The following XXYLT1 variants were observed in gnomAD, a reference collection of about 807,000 sequenced individuals.
XXYLT1 encodes UDP-xylose:alpha-xyloside alpha-1,3-xylosyltransferase.
XXYLT1 carries 20 observed loss-of-function variants against 28.9 expected under a neutral mutation model. The ratio of observed to expected loss-of-function variants is 0.69; its 90% CI spans 0.49 to 1.00. The LOEUF (loss-of-function observed/expected upper bound fraction) is 1.00, where lower values mean the gene tolerates loss of function less well. XXYLT1 is among the 50% of genes least tolerant of loss of function. XXYLT1 has a pLI of 0.00. For missense variants in XXYLT1, 542 were observed against 560.1 expected (o/e 0.97, Z 0.33); for synonymous variants, 257 against 253.8 (o/e 1.01, Z -0.12).
intron 2 of XXYLT1, among the ~76,000 whole-genome samples, chr3:195,200,192 C>T (rs1209552059): frequency 1.3e-5 from 2 of 152,124 alleles, no homozygotes; most frequent in Non-Finnish European, 2.9e-5. Flanking sequence ...TGAAGCAGCG[C>T]GGTTCCAGAT....
chr3:195,148,445 ATT>A (rs34143584), intron 3 of XXYLT1, among the ~76,000 whole-genome samples: 3 of 149,246 alleles, frequency 2.0e-5, no homozygotes, highest in African/African-American at 4.9e-5. Flanking sequence ...ATCTTGGTTA[ATT>A]TTTTTTTTTT....
At chr3:195,227,888 C>T (rs747512628) in intron 1 of XXYLT1, among the ~76,000 whole-genome samples, 6 of 152,232 alleles carry the variant, frequency 3.9e-5, no homozygotes, top group Non-Finnish European at 8.8e-5. Flanking sequence ...TCTAACTCTA[C>T]TCCAGAAGAT....
At position 195,180,051 on chromosome 3, in the gene XXYLT1, C is replaced by T. The variant is rs1721873145; in HGVS notation, c.653-23470G>A. Among the ~76,000 whole-genome samples the T allele has an allele frequency of 2.6e-5, 4 of 152,144 alleles. No individual in the cohort carries two copies. On this transcript the variant is annotated intron_variant, in intron 2 of 3. Transcript: ENST00000310380. The surrounding 1 kb of genome is among the most constrained non-coding windows in gnomAD (Gnocchi z 5.8). ...GCCAGGGTGCGGCTGAGTGACGGAG[C>T]GCCTGGTGAGGGACAGAAGAATCTC...
At chr3:195,096,496 GACAA>G (rs1455925585) in intron 3 of XXYLT1, among the ~76,000 whole-genome samples, 5 of 152,248 alleles carry the variant, frequency 3.3e-5, no homozygotes, top group East Asian at 1.9e-4. Flanking sequence ...CGCACATGCT[GACAA>G]ACACACACGA....
At chr3:195,249,750 C>T (rs1725179364) in intron 1 of XXYLT1, among the ~76,000 whole-genome samples, 1 of 152,228 alleles carries the variant, frequency 6.6e-6, no homozygotes, top group Admixed American at 6.5e-5. Context: ...TCACTACAAA[C>T]CCAAGCGCTG....
At chr3:195,099,222 GAAAT>G (rs1716627487) in intron 3 of XXYLT1, among the ~76,000 whole-genome samples, 1 of 152,132 alleles carries the variant, frequency 6.6e-6, no homozygotes, top group African/African-American at 2.4e-5. Context: ...TAAACTCTAA[GAAAT>G]AAATAAACGT....
In XXYLT1 at chr3:195,257,229, A is replaced by C. The variant is rs761255340; in HGVS notation, c.504+13326T>G. 7.2e-5 allele frequency among the ~76,000 whole-genome samples: 11 copies of C among 151,984 alleles called. No homozygotes were observed. The highest frequency in any genetic ancestry group is 1.6e-4 in the Non-Finnish European group (11 of 67,984). On this transcript the variant is annotated intron_variant, in intron 1 of 3. Coordinates refer to ENST00000310380, the MANE Select transcript of XXYLT1 (RefSeq NM_152531.5). This position sits in a 1 kb window ranked among gnomAD's most constrained non-coding sequence, Gnocchi z 4.3. ...CCTTCCATGGCTGCACTCACACCCC[A>C]CTGCCCACCGTGTTGGCATCCAGCT...
At chr3:195,269,613 G>A (rs779905206) in intron 1 of XXYLT1, among the ~76,000 whole-genome samples, 13 of 152,158 alleles carry the variant, frequency 8.5e-5, no homozygotes, top group Non-Finnish European at 1.6e-4. Flanking sequence ...AGAGACTCCC[G>A]AAGCCTGTAG....
chr3:195,155,269 C>T (rs893108155), intron 3 of XXYLT1, among the ~76,000 whole-genome samples: 1 of 152,230 alleles, frequency 6.6e-6, no homozygotes, highest in Non-Finnish European at 1.5e-5. Flanking sequence ...CACTAGTTGC[C>T]TGTACTCTGC....
intron 2 of XXYLT1, among the ~76,000 whole-genome samples, chr3:195,219,951 T>C (rs1320355801): frequency 6.6e-6 from 1 of 152,190 alleles, no homozygotes; most frequent in African/African-American, 2.4e-5. Flanking sequence ...TGAGGGATTT[T>C]ATAACAGCTT....
intron 3 of XXYLT1, among the ~76,000 whole-genome samples, chr3:195,096,395 C>T (rs907358313): frequency 3.3e-5 from 5 of 152,196 alleles, no homozygotes; most frequent in Non-Finnish European, 7.3e-5. Flanking sequence ...GTTCCCAGTG[C>T]GTCCCCAACA....
At chr3:195,125,060 C>A (rs1052771563) in intron 3 of XXYLT1, among the ~76,000 whole-genome samples, 3 of 152,074 alleles carry the variant, frequency 2.0e-5, no homozygotes, top group Admixed American at 2.0e-4. Context: ...AAATGAAAGG[C>A]TTGATCCCCG....
Position 195,270,615 on chromosome 3 carries a change from G to A in XXYLT1, c.444C>T (p.Arg148=). Reference sequence around the variant, plus strand: ...CCCGCAGCAGGCCCTTGGCCACCTCGCGGCTGGCCTCCTCGCTCACGAAGT... The same window carrying A: ...CCCGCAGCAGGCCCTTGGCCACCTCACGGCTGGCCTCCTCGCTCACGAAGT... ...NLHFVSEEAS[R]EVAKGLLREL... Residue 148 remains arginine (R), a synonymous_variant, in exon 1 of 4, where the codon CGC becomes CGT. Transcript: ENST00000310380. The A allele has an allele frequency of 1.3e-6, 2 of 1,494,922 alleles. No homozygotes were observed. Among genetic ancestry groups the A allele is most frequent in the Non-Finnish European group, 1.8e-6 (2 of 1,123,248 alleles). 92.6% of individuals were successfully genotyped at this position (1,494,922 alleles called of 1,614,324 possible).
intron 2 of XXYLT1, among the ~76,000 whole-genome samples, chr3:195,213,298 C>T (rs1476119257): frequency 6.9e-6 from 1 of 145,196 alleles, no homozygotes; most frequent in African/African-American, 2.6e-5. Flanking sequence ...GAGCTTCGCT[C>T]TTGTTGCCCA....
intron 3 of XXYLT1, among the ~76,000 whole-genome samples, chr3:195,149,544 C>T (rs1457479844): frequency 6.6e-6 from 1 of 152,184 alleles, no homozygotes; most frequent in African/African-American, 2.4e-5. Context: ...GGAAGCCAGG[C>T]TCAGTGAAAC....
intron 2 of XXYLT1, chr3:195,214,686 C>G (rs1723482457): frequency 6.6e-6 from 1 of 152,152 alleles, no homozygotes; most frequent in Non-Finnish European, 1.5e-5. Context: ...AATCCTTATC[C>G]ACTGTACCCC....
chr3:195,159,134 G>A (rs540574464), intron 2 of XXYLT1, among the ~76,000 whole-genome samples: 26 of 152,278 alleles, frequency 1.7e-4, no homozygotes, highest in African/African-American at 6.3e-4. Context: ...AGAATCATGA[G>A]GAAGAATGAG....
At chr3:195,220,738 G>A (rs1226902675) in intron 2 of XXYLT1, among the ~76,000 whole-genome samples, 1 of 152,190 alleles carries the variant, frequency 6.6e-6, no homozygotes, top group Non-Finnish European at 1.5e-5. Flanking sequence ...GTCCTTCGAA[G>A]CCTCTGGGCT....
intron 2 of XXYLT1, among the ~76,000 whole-genome samples, chr3:195,192,161 T>C (rs957186562): frequency 6.6e-6 from 1 of 152,208 alleles, no homozygotes. Flanking sequence ...CAGTGGCTCA[T>C]GCCTGTAATC....
Sources: allele counts gnomAD v4.1 joint callset (sites outside exome capture counted in the v4.1 genomes callset), GRCh38; gene constraint gnomAD v4.1.1; non-coding constraint Gnocchi (gnomAD v3.1); transcripts MANE v1.5; gene names NCBI Gene and HGNC (gene_info 2026-07-23, HGNC 2026-07-21).